The following GGACT variants were observed in gnomAD, a reference collection of about 807,000 sequenced individuals.
GGACT encodes the protein gamma-glutamylaminecyclotransferase.
For synonymous variants in GGACT, 118 were observed against 115.3 expected, an observed-to-expected ratio of 1.02 and a Z score of -0.15; for missense variants, 241 against 233.2, an observed-to-expected ratio of 1.03 and a Z score of -0.22.
At chr13:100,557,316 G>T (rs956495709) in intron 2 of GGACT, among the ~76,000 whole-genome samples, 3 of 152,208 alleles carry the variant, frequency 2.0e-5, no homozygotes, top group African/African-American at 7.2e-5. Flanking sequence ...GGAATTAGTG[G>T]TGCGGGCTGC....
At chr13:100,580,288 G>A (rs1210622216) in intron 2 of GGACT, among the ~76,000 whole-genome samples, 1 of 151,422 alleles carries the variant, frequency 6.6e-6, no homozygotes, top group Non-Finnish European at 1.5e-5. Context: ...TAGGGAAGCT[G>A]AGATGAGATC....
intron 2 of GGACT, chr13:100,579,904 CCT>C (rs1875363800): frequency 6.6e-6 from 1 of 152,154 alleles, no homozygotes; most frequent in African/African-American, 2.4e-5. Flanking sequence ...GGGATCACCC[CCT>C]TTCTGCCCCT....
rs146265125 is a variant in GGACT, at chr13:100,568,250, C to T, written c.-11+15575G>A. 5.1e-3 allele frequency among the ~76,000 whole-genome samples: 784 copies of T among 152,380 alleles called. 7 individuals carry two copies. Among genetic ancestry groups the T allele is most frequent in the African/African-American group, 0.018 (743 of 41,590 alleles). On this transcript the variant is annotated intron_variant, in intron 2 of 2. Coordinates refer to ENST00000683975, the MANE Select transcript of GGACT (RefSeq NM_001195087.2). ...GGGTTACTGAAGACCTTGTATTAGT[C>T]TGTTCTCATGCTGCTAATAAAGACA...
At chr13:100,581,206 C>G (rs9513766) in intron 2 of GGACT, among the ~76,000 whole-genome samples, 1 of 152,186 alleles carries the variant, frequency 6.6e-6, no homozygotes, top group Non-Finnish European at 1.5e-5. Context: ...CCACCACAGT[C>G]GAAATGAGCA....
At chr13:100,574,221 T>C (rs550656076) in intron 2 of GGACT, among the ~76,000 whole-genome samples, 1 of 152,316 alleles carries the variant, frequency 6.6e-6, no homozygotes, top group Admixed American at 6.5e-5. Flanking sequence ...AGAAATCATG[T>C]CCTTTGCAGC....
chr13:100,543,675 G>A (rs1175879254), intron 2 of GGACT, among the ~76,000 whole-genome samples: 3 of 152,182 alleles, frequency 2.0e-5, no homozygotes, highest in African/African-American at 4.8e-5. Context: ...AATGCATACT[G>A]CCAGTTGGCA....
intron 2 of GGACT, among the ~76,000 whole-genome samples, chr13:100,569,448 G>A (rs1439096632): frequency 6.6e-6 from 1 of 152,242 alleles, no homozygotes; most frequent in Non-Finnish European, 1.5e-5. Context: ...CTTTACACTG[G>A]ACCCTTTTAG....
At chr13:100,541,263 G>A (rs1353319237) in intron 2 of GGACT, among the ~76,000 whole-genome samples, 1 of 152,182 alleles carries the variant, frequency 6.6e-6, no homozygotes, top group Admixed American at 6.5e-5. Flanking sequence ...CTGTAGATGG[G>A]CATTTAGGGA....
intron 2 of GGACT, among the ~76,000 whole-genome samples, chr13:100,548,538 C>T (rs976159617): frequency 1.3e-5 from 2 of 152,180 alleles, no homozygotes. Flanking sequence ...ATTAAAGATA[C>T]AGGTGAGGCC....
intron 2 of GGACT, among the ~76,000 whole-genome samples, chr13:100,565,343 A>G (rs1018032570): frequency 4.6e-5 from 7 of 152,292 alleles, no homozygotes; most frequent in East Asian, 1.9e-4. Flanking sequence ...GGTCCAGTCA[A>G]CCTACCTGAC....
chr13:100,574,599 C>A (rs1875196054), intron 2 of GGACT, among the ~76,000 whole-genome samples: 1 of 151,992 alleles, frequency 6.6e-6, no homozygotes, highest in Non-Finnish European at 1.5e-5. Flanking sequence ...AACCAAATAC[C>A]ACGTTCTCAC....
intron 1 of GGACT, among the ~76,000 whole-genome samples, chr13:100,587,461 A>G (rs761364698): frequency 3.3e-5 from 5 of 152,226 alleles, no homozygotes; most frequent in Non-Finnish European, 7.3e-5. Flanking sequence ...CTGCTAGAAC[A>G]CAGTGGTCTG....
chr13:100,548,670 A>G (rs953502740), intron 2 of GGACT, among the ~76,000 whole-genome samples: 2 of 152,272 alleles, frequency 1.3e-5, no homozygotes, highest in Non-Finnish European at 1.5e-5. Flanking sequence ...TGAGATCCCC[A>G]TAAACAGGAA....
chr13:100,572,393 G>A (rs1186619907), intron 2 of GGACT, among the ~76,000 whole-genome samples: 2 of 152,172 alleles, frequency 1.3e-5, no homozygotes, highest in African/African-American at 2.4e-5. Flanking sequence ...CAGGAGCTGG[G>A]GGACGGGGAA....
intron 2 of GGACT, among the ~76,000 whole-genome samples, chr13:100,551,312 A>G (rs2088662364): frequency 6.6e-6 from 1 of 152,100 alleles, no homozygotes; most frequent in African/African-American, 2.4e-5. Flanking sequence ...CATAATGTAT[A>G]TATACACAGA....
chr13:100,557,800 A>G (rs1566534515), intron 2 of GGACT, among the ~76,000 whole-genome samples: 1 of 152,180 alleles, frequency 6.6e-6, no homozygotes, highest in Non-Finnish European at 1.5e-5. Context: ...GAAAATATCT[A>G]CAAAATAGCT....
At chr13:100,577,018 C>T (rs991671314) in intron 2 of GGACT, among the ~76,000 whole-genome samples, 3 of 152,180 alleles carry the variant, frequency 2.0e-5, no homozygotes, top group African/African-American at 7.2e-5. Context: ...AAATTAATGC[C>T]TGGCATACAA....
intron 2 of GGACT, among the ~76,000 whole-genome samples, chr13:100,565,029 T>C (rs1279585607): frequency 1.3e-5 from 2 of 152,242 alleles, no homozygotes; most frequent in African/African-American, 4.8e-5. Context: ...CCTGTTGTGA[T>C]ACAGACCTGG....
chr13:100,566,150 C>T (rs1335953908), intron 2 of GGACT, among the ~76,000 whole-genome samples: 1 of 152,210 alleles, frequency 6.6e-6, no homozygotes, highest in African/African-American at 2.4e-5. Flanking sequence ...CTGAGTGCAG[C>T]CTGTGACAGA....
Sources: allele counts gnomAD v4.1 joint callset (sites outside exome capture counted in the v4.1 genomes callset), GRCh38; gene constraint gnomAD v4.1.1; transcripts MANE v1.5; gene names NCBI Gene and HGNC (gene_info 2026-07-23, HGNC 2026-07-21).